RNLS: variants seen among roughly 807,000 people sequenced by gnomAD.
RNLS encodes renalase, FAD dependent amine oxidase, also known as renalase.
In RNLS, 39 loss-of-function variants were observed where a neutral mutation model predicts 39.8. The ratio of observed to expected loss-of-function variants is 0.98; its 90% CI spans 0.76 to 1.28. RNLS has a LOEUF of 1.28. RNLS is among the 50% of genes most tolerant of loss of function. The pLI is 0.00. For missense variants in RNLS, 410 were observed against 413.3 expected (o/e 0.99, Z 0.07); for synonymous variants, 147 against 150.7 (o/e 0.98, Z 0.18).
intron 4 of RNLS, among the ~76,000 whole-genome samples, chr10:88,395,699 T>C (rs568967247): frequency 6.6e-6 from 1 of 152,142 alleles, no homozygotes; most frequent in African/African-American, 2.4e-5. Flanking sequence ...TGGCTAAAAC[T>C]TTCCAGTTTG....
intron 6 of RNLS, among the ~76,000 whole-genome samples, chr10:88,293,477 A>T (rs1340704145): frequency 6.6e-6 from 1 of 152,214 alleles, no homozygotes; most frequent in Non-Finnish European, 1.5e-5. Context: ...AGATGAAAAA[A>T]AAGTAAGAAT....
chr10:88,534,159 T>C lies in RNLS; in HGVS notation c.526+38744A>G, dbSNP rs550588263. ...TTAGATGTCATGATGAGGAGGTCAC[T>C]GGGGATGGCCTTTAAGAGAATGATT... On this transcript the variant is annotated intron_variant, in intron 4 of 6. Transcript: ENST00000331772. Among the ~76,000 whole-genome samples, 3 of 152,238 alleles carry C rather than the reference T, an allele frequency of 2.0e-5. No homozygotes were observed. The East Asian group carries it at 5.8e-4, about 29-fold the overall frequency.
intron 4 of RNLS, among the ~76,000 whole-genome samples, chr10:88,499,680 A>C (rs10887829): frequency 0.35 from 53,160 of 151,780 alleles, 10,756 homozygotes; most frequent in African/African-American, 0.56. Flanking sequence ...TGAACCCCAG[A>C]AGTGAATGCT....
At chr10:88,325,331 T>C (rs1485334649) in intron 5 of RNLS, among the ~76,000 whole-genome samples, 1 of 152,124 alleles carries the variant, frequency 6.6e-6, no homozygotes, top group Non-Finnish European at 1.5e-5. Context: ...TTGTTTTTAA[T>C]AATAGCCATC....
At chr10:88,443,101 C>G (rs1841823714) in intron 4 of RNLS, among the ~76,000 whole-genome samples, 1 of 152,128 alleles carries the variant, frequency 6.6e-6, no homozygotes. Flanking sequence ...TATTTCTTCC[C>G]CTCCTTTGTA....
In RNLS at chr10:88,512,128, C is replaced by T. The variant is rs76757824; in HGVS notation, c.526+60775G>A. On this transcript the variant is annotated intron_variant, in intron 4 of 6. Transcript: ENST00000331772. ...TTTGCTAGTAAATAACATACATGTA[C>T]ACTAAATACTGCAACAAAGAAGTTG... Among the ~76,000 whole-genome samples, 823 of 152,218 alleles carry T rather than the reference C, an allele frequency of 5.4e-3. 9 individuals are homozygous for T. The highest frequency in any genetic ancestry group is 0.019 in the African/African-American group (804 of 41,558).
the RNLS span, among the ~76,000 whole-genome samples, chr10:88,223,802 G>A: frequency 9.0e-4 from 137 of 152,202 alleles, no homozygotes; most frequent in African/African-American, 3.1e-3. Flanking sequence ...GTGAACCTAG[G>A]TTATCATGTT....
intron 4 of RNLS, among the ~76,000 whole-genome samples, chr10:88,541,369 C>A (rs1848033733): frequency 6.6e-6 from 1 of 152,156 alleles, no homozygotes; most frequent in Non-Finnish European, 1.5e-5. Flanking sequence ...TGGCTTTTCA[C>A]AATGAAAACA....
At chr10:88,449,911 G>A (rs1431763289) in intron 4 of RNLS, among the ~76,000 whole-genome samples, 2 of 152,032 alleles carry the variant, frequency 1.3e-5, no homozygotes, top group Admixed American at 1.3e-4. Flanking sequence ...CACAAAAGAA[G>A]CATCAAGAAC....
intron 4 of RNLS, among the ~76,000 whole-genome samples, chr10:88,528,582 TC>T (rs1847241579): frequency 6.6e-6 from 1 of 151,864 alleles, no homozygotes; most frequent in South Asian, 2.1e-4. Flanking sequence ...GGTGGCTCAC[TC>T]CTCTGTAATC....
intron 6 of RNLS, among the ~76,000 whole-genome samples, chr10:88,300,835 T>C (rs1053414726): frequency 6.6e-6 from 1 of 152,194 alleles, no homozygotes; most frequent in Non-Finnish European, 1.5e-5. Flanking sequence ...ACTTTTTTTG[T>C]TTGTTAGTTT....
chr10:88,445,577 T>C (rs1407594293), intron 4 of RNLS, among the ~76,000 whole-genome samples: 42 of 152,152 alleles, frequency 2.8e-4, no homozygotes, highest in Non-Finnish European at 1.5e-5. Context: ...CCATCTCACA[T>C]GTAGCGACAC....
At chr10:88,472,260 G>A (rs1843581979) in intron 4 of RNLS, among the ~76,000 whole-genome samples, 1 of 152,186 alleles carries the variant, frequency 6.6e-6, no homozygotes, top group African/African-American at 2.4e-5. Context: ...GTGGGATCTG[G>A]TATTTTAAAG....
intron 4 of RNLS, among the ~76,000 whole-genome samples, chr10:88,548,512 G>A (rs994352253): frequency 3.2e-4 from 47 of 148,368 alleles, no homozygotes; most frequent in African/African-American, 1.1e-3. Context: ...GGTGGTGGGC[G>A]CCTGTAATCT....
chr10:88,378,580 T>C (rs1456484719), intron 4 of RNLS, among the ~76,000 whole-genome samples: 3 of 152,160 alleles, frequency 2.0e-5, no homozygotes, highest in Non-Finnish European at 1.5e-5. Flanking sequence ...AGACCCCCCA[T>C]TCTAGAGAGG....
chr10:88,175,534 AT>A, the RNLS span, among the ~76,000 whole-genome samples: 1 of 152,126 alleles, frequency 6.6e-6, no homozygotes. Flanking sequence ...GTTAATTTCC[AT>A]GTATTTGTAC....
At chr10:88,256,420 C>T in the RNLS span, among the ~76,000 whole-genome samples, 2 of 152,216 alleles carry the variant, frequency 1.3e-5, no homozygotes, top group African/African-American at 2.4e-5. Flanking sequence ...GGACAACTCC[C>T]TGAGGAGGAC....
chr10:88,294,856 G>C (rs1044923182), intron 6 of RNLS, among the ~76,000 whole-genome samples: 10 of 152,042 alleles, frequency 6.6e-5, no homozygotes, highest in Admixed American at 5.9e-4. Context: ...TGTTCTCTAA[G>C]GGTGGTGGAA....
At chr10:88,251,793 C>G in the RNLS span, among the ~76,000 whole-genome samples, 2 of 152,212 alleles carry the variant, frequency 1.3e-5, no homozygotes, top group African/African-American at 2.4e-5. Flanking sequence ...ACTGAAACCT[C>G]TGAGACCCCT....
Sources: gnomAD v4.1 joint callset for allele counts (sites outside exome capture counted in the v4.1 genomes callset) on GRCh38, gnomAD v4.1.1 for gene constraint, MANE v1.5 for transcripts, NCBI Gene and HGNC (gene_info 2026-07-23, HGNC 2026-07-21) for gene names.